The following PDE10A variants were observed in gnomAD, a reference collection of about 807,000 sequenced individuals.
The protein encoded by PDE10A is phosphodiesterase 10A, also known as cAMP and cAMP-inhibited cGMP 3',5'-cyclic phosphodiesterase 10A.
PDE10A carries 39 observed loss-of-function variants against 97.7 expected under a neutral mutation model. The ratio of observed to expected loss-of-function variants is 0.40; its 90% CI spans 0.31 to 0.52. PDE10A has a LOEUF of 0.52. PDE10A is among the 20% of genes least tolerant of loss of function. PDE10A has a pLI of 0.56. For synonymous variants in PDE10A, 371 were observed against 376.8 expected, an observed-to-expected ratio of 0.98 and a Z score of 0.18; for missense variants, 731 against 1,047.8, an observed-to-expected ratio of 0.70 and a Z score of 4.17.
intron 1 of PDE10A, among the ~76,000 whole-genome samples, chr6:165,691,106 T>TCC (rs35264122): frequency 0.03 from 1,172 of 39,100 alleles, 215 homozygotes; most frequent in Non-Finnish European, 0.041. Flanking sequence ...TCTTTCTCTC[T>TCC]CCCCCCCCCC....
chr6:165,728,520 C>T (rs1189029992), intron 1 of PDE10A, among the ~76,000 whole-genome samples: 1 of 152,082 alleles, frequency 6.6e-6, no homozygotes, highest in Non-Finnish European at 1.5e-5. Flanking sequence ...TTCCAACTTC[C>T]CAATTATCAC....
At chr6:165,585,284 G>C (rs547696370) in intron 1 of PDE10A, among the ~76,000 whole-genome samples, 1 of 152,280 alleles carries the variant, frequency 6.6e-6, no homozygotes, top group Non-Finnish European at 1.5e-5. Context: ...AGAAGTATAT[G>C]AGTGCCAAGT....
At chr6:165,769,285 G>A (rs1397363577) in intron 1 of PDE10A, among the ~76,000 whole-genome samples, 3 of 152,186 alleles carry the variant, frequency 2.0e-5, no homozygotes, top group Admixed American at 1.3e-4. Flanking sequence ...ATAACCACAT[G>A]TAGCTGGTGG....
At chr6:165,973,736 G>A (rs1784766636) in intron 1 of PDE10A, among the ~76,000 whole-genome samples, 1 of 152,188 alleles carries the variant, frequency 6.6e-6, no homozygotes, top group Non-Finnish European at 1.5e-5. Flanking sequence ...GGACGTCGCA[G>A]GAATATCCAG....
chr6:165,980,782 C>T (rs1381702510), intron 1 of PDE10A, among the ~76,000 whole-genome samples: 1 of 152,084 alleles, frequency 6.6e-6, no homozygotes, highest in East Asian at 1.9e-4. Context: ...CTATATGATA[C>T]ATGCAATATA....
intron 18 of PDE10A, among the ~76,000 whole-genome samples, chr6:165,349,427 C>A (rs976425575): frequency 6.6e-6 from 1 of 152,024 alleles, no homozygotes; most frequent in Non-Finnish European, 1.5e-5. Context: ...GAACTTTGAA[C>A]TTGAGAGAGA....
At chr6:165,792,473 G>A (rs907230305) in intron 1 of PDE10A, among the ~76,000 whole-genome samples, 3 of 152,158 alleles carry the variant, frequency 2.0e-5, no homozygotes, top group Non-Finnish European at 4.4e-5. Flanking sequence ...TCTTCTCAGG[G>A]CACTTGGTTC....
chr6:165,460,972 A>C (rs1778292209), intron 3 of PDE10A, among the ~76,000 whole-genome samples: 1 of 152,198 alleles, frequency 6.6e-6, no homozygotes, highest in African/African-American at 2.4e-5. Context: ...TCCAGAACCT[A>C]TACCTTTAAA....
chr6:165,465,947 G>A (rs1245511834), intron 3 of PDE10A, among the ~76,000 whole-genome samples: 1 of 145,486 alleles, frequency 6.9e-6, no homozygotes, highest in African/African-American at 2.4e-5. Context: ...AACTGCAGGA[G>A]GAAGTACTAA....
intron 1 of PDE10A, among the ~76,000 whole-genome samples, chr6:165,722,739 G>A (rs374348426): frequency 5.3e-5 from 8 of 152,074 alleles, no homozygotes; most frequent in African/African-American, 9.7e-5. Context: ...AGACATGTAC[G>A]TAAGTTATAT....
At position 165,656,270 on chromosome 6, in the gene PDE10A, A is replaced by T. The variant is rs996706106; in HGVS notation, c.865+5677T>A. Among the ~76,000 whole-genome samples the T allele has an allele frequency of 3.6e-3, 490 of 135,008 alleles. 4 individuals are homozygous for T. Among genetic ancestry groups the T allele is most frequent in the Non-Finnish European group, 5.6e-3 (358 of 64,296 alleles). 88.6% of individuals were successfully genotyped at this position (135,008 alleles called of 152,430 possible). ...CTCTCTCTCTCTCTCACACACACAC[A>T]CACACACACACACACACACACACAC... On this transcript the variant is annotated intron_variant, in intron 1 of 21. Coordinates refer to ENST00000539869, the MANE Select transcript of PDE10A (RefSeq NM_001385079.1).
At chr6:165,908,630 T>C (rs376322265) in intron 1 of PDE10A, among the ~76,000 whole-genome samples, 2 of 152,294 alleles carry the variant, frequency 1.3e-5, no homozygotes, top group African/African-American at 4.8e-5. Flanking sequence ...CGTGTTGTAT[T>C]GTCAGAGGAG....
At chr6:165,622,215 C>T (rs577758259) in intron 1 of PDE10A, among the ~76,000 whole-genome samples, 2 of 152,282 alleles carry the variant, frequency 1.3e-5, no homozygotes, top group South Asian at 2.1e-4. Flanking sequence ...ACCACGTGAG[C>T]CAGTGCCTTA....
chr6:165,898,997 G>A (rs533367165), intron 1 of PDE10A, among the ~76,000 whole-genome samples: 6 of 152,264 alleles, frequency 3.9e-5, no homozygotes, highest in South Asian at 2.1e-4. Context: ...AAGGCCTCCC[G>A]GCAGCTCCTG....
At chr6:165,449,438 A>C (rs1791123223) in intron 4 of PDE10A, among the ~76,000 whole-genome samples, 1 of 152,196 alleles carries the variant, frequency 6.6e-6, no homozygotes, top group Non-Finnish European at 1.5e-5. Flanking sequence ...AAATTGCCTC[A>C]GGGTCATCTG....
chr6:165,749,727 T>G (rs562018657), intron 1 of PDE10A, among the ~76,000 whole-genome samples: 150 of 152,382 alleles, frequency 9.8e-4, no homozygotes, highest in African/African-American at 3.5e-3. Flanking sequence ...TATGAAAAAC[T>G]ATTTCATCTT....
At chr6:165,579,381 G>T (rs1306477457) in intron 1 of PDE10A, among the ~76,000 whole-genome samples, 1 of 152,138 alleles carries the variant, frequency 6.6e-6, no homozygotes, top group Admixed American at 6.5e-5. Flanking sequence ...TAATTACATG[G>T]CAGACTGACA....
At chr6:165,480,803 C>A (rs954807294) in intron 3 of PDE10A, among the ~76,000 whole-genome samples, 1 of 152,108 alleles carries the variant, frequency 6.6e-6, no homozygotes, top group Non-Finnish European at 1.5e-5. Context: ...AAAATAGTGG[C>A]ATACTATTTC....
chr6:165,833,519 G>A (rs1268585957), intron 1 of PDE10A, among the ~76,000 whole-genome samples: 1 of 152,224 alleles, frequency 6.6e-6, no homozygotes, highest in Non-Finnish European at 1.5e-5. Flanking sequence ...AGCAAGAAGT[G>A]ACACCACCTG....
Sources: allele counts gnomAD v4.1 joint callset (sites outside exome capture counted in the v4.1 genomes callset), GRCh38; gene constraint gnomAD v4.1.1; transcripts MANE v1.5; gene names NCBI Gene and HGNC (gene_info 2026-07-23, HGNC 2026-07-21).